Variants in LOX observed in about 807,000 individuals in gnomAD.
LOX encodes the protein protein-lysine 6-oxidase.
A neutral mutation model predicts 50.5 loss-of-function variants in LOX; 12 were observed. That is an observed-to-expected ratio of 0.24 (90% confidence interval 0.15 to 0.38). The LOEUF is 0.38. LOX is among the 10% of genes least tolerant of loss of function. The probability of loss-of-function intolerance (pLI) is 1.00; values close to 1 mark genes in which losing one functional copy is unlikely to be tolerated. For missense variants in LOX, 504 were observed against 563.8 expected (o/e 0.89, Z 1.07); for synonymous variants, 254 against 230.6 (o/e 1.10, Z -0.92).
chr5:122,077,228 C>T lies in LOX; in HGVS notation c.631+127G>A. The T allele has an allele frequency of 6.7e-7, 1 of 1,502,378 alleles. No individual in the cohort carries two copies. The highest frequency in any genetic ancestry group is 1.3e-5 in the South Asian group (1 of 75,852). 93.1% of individuals were successfully genotyped at this position (1,502,378 alleles called of 1,614,324 possible). A position where few individuals can be genotyped will look rare whatever the true frequency, so the allele number is the denominator to read the frequency against. ...GCACTGGATTCCAGGGCTGCCACTG[C>T]AGGCGCGTGGGGGAGGGATCGGATC... On this transcript the variant is annotated intron_variant, in intron 1 of 6. Coordinates refer to ENST00000231004, the MANE Select transcript of LOX (RefSeq NM_002317.7). This position sits in a 1 kb window ranked among gnomAD's most constrained non-coding sequence, Gnocchi z 4.9.
Position 122,074,049 on chromosome 5 carries a change from G to A in LOX, c.999C>T (p.Gly333=), listed in dbSNP as rs751459592. 1.5e-5 allele frequency: 24 copies of A among 1,614,030 alleles called. No individual in the cohort carries two copies. The highest frequency in any genetic ancestry group is 2.0e-5 in the Non-Finnish European group (24 of 1,179,922). ...CAGTACATGCAAATCGCCTGTGGTA[G>A]CCATAGTCACAGGATGTGTCTTCAA... ...FCLEDTSCDY[G]YHRRFACTAH... The change falls in exon 4 of 7, where the codon GGC becomes GGT. Residue 333 remains glycine, a synonymous_variant. Coordinates refer to ENST00000231004, the MANE Select transcript of LOX (RefSeq NM_002317.7).
At chr5:122,068,463 T>C (rs1385001578) in intron 6 of LOX, among the ~76,000 whole-genome samples, 1 of 152,138 alleles carries the variant, frequency 6.6e-6, no homozygotes, top group African/African-American at 2.4e-5. Flanking sequence ...TCATGAAACT[T>C]CTCATATTGT....
At chr5:122,067,364 C>G (rs17148773) in intron 6 of LOX, among the ~76,000 whole-genome samples, 1 of 151,454 alleles carries the variant, frequency 6.6e-6, no homozygotes, top group African/African-American at 2.4e-5. Flanking sequence ...TCACCTGGTC[C>G]GTACATTTTG....
chr5:122,073,494 A>G (rs1754513770), intron 4 of LOX, among the ~76,000 whole-genome samples: 1 of 152,328 alleles, frequency 6.6e-6, no homozygotes, highest in East Asian at 1.9e-4. Flanking sequence ...CGCAACCACT[A>G]TTCTATTTTC....
At chr5:122,069,618 G>T (rs1388422312) in intron 6 of LOX, among the ~76,000 whole-genome samples, 1 of 152,032 alleles carries the variant, frequency 6.6e-6, no homozygotes, top group Admixed American at 6.6e-5. Flanking sequence ...GACCAGAGGG[G>T]GCTGAACTCT....
In LOX at chr5:122,077,192, A is replaced by G; in HGVS notation, c.631+163T>C. On this transcript the variant is annotated intron_variant, in intron 1 of 6. Coordinates refer to ENST00000231004, the MANE Select transcript of LOX (RefSeq NM_002317.7). This position sits in a 1 kb window ranked among gnomAD's most constrained non-coding sequence, Gnocchi z 4.9. ...GTGAAAAGGAAGCAGGAGGGGCCAG[A>G]CGCGCGGTTTGCACTGGATTCCAGG... 1.4e-6 allele frequency: 2 copies of G among 1,469,188 alleles called. No homozygotes were observed. Among genetic ancestry groups the G allele is most frequent in the Non-Finnish European group, 9.0e-7 (1 of 1,114,888 alleles). The allele number at this position is 1,469,188 out of a possible 1,614,324, so 91.0% of individuals were successfully genotyped here.
intron 3 of LOX, 186 bp downstream of exon 3, chr5:122,075,218 C>T (rs1754581325): frequency 3.9e-6 from 2 of 514,450 alleles, no homozygotes; most frequent in Non-Finnish European, 6.6e-6. Flanking sequence ...TCAGATTTTC[C>T]ATTTCAAAAG....
At chr5:122,072,941 A>G (rs1754492922) in intron 4 of LOX, among the ~76,000 whole-genome samples, 1 of 152,204 alleles carries the variant, frequency 6.6e-6, no homozygotes, top group Admixed American at 6.5e-5. Context: ...GGGAATCTGT[A>G]TATGCACACA....
intron 4 of LOX, among the ~76,000 whole-genome samples, chr5:122,072,174 G>T (rs1754470543): frequency 1.3e-5 from 2 of 152,110 alleles, no homozygotes; most frequent in Admixed American, 1.3e-4. Flanking sequence ...TTTACATAAT[G>T]CTTCAGTGCT....
intron 3 of LOX, among the ~76,000 whole-genome samples, chr5:122,074,671 C>A (rs2152589898): frequency 6.6e-6 from 1 of 152,264 alleles, no homozygotes; most frequent in South Asian, 2.1e-4. Context: ...TTAAATAGTA[C>A]ACACTTTTAT....
chr5:122,066,539 C>A lies in LOX; in HGVS notation c.*204G>T. The A allele has an allele frequency of 4.1e-6, 2 of 492,342 alleles. No homozygotes were observed. The highest frequency in any genetic ancestry group is 5.3e-4 in the Middle Eastern group (1 of 1,892). 30.5% of individuals were successfully genotyped at this position (492,342 alleles called of 1,614,324 possible). On this transcript the variant is annotated 3_prime_UTR_variant, in exon 7 of 7. Coordinates refer to ENST00000231004, the MANE Select transcript of LOX (RefSeq NM_002317.7). ...TTCACAAAGTGATGTAAATAATAAA[C>A]ATTAAAAATTTCCCAAGTAATGATG...
rs763527035 is a variant in LOX at position 122,077,737 on chromosome 5, G to A, written c.249C>T (p.Ser83=). Residue 83 remains serine, a synonymous_variant, in exon 1 of 7, where the codon TCC becomes TCT. Transcript: ENST00000231004. The surrounding 1 kb of genome is among the most constrained non-coding windows in gnomAD (Gnocchi z 4.9). ...GGATCGGAGTGCGGGGCTGCTGGGCGGAGGCGTTGGCTGCACCAGGGACGG... is the reference window on the plus strand; with the variant it reads ...GGATCGGAGTGCGGGGCTGCTGGGCAGAGGCGTTGGCTGCACCAGGGACGG... ...GAAVPGAANA[S]AQQPRTPILL... 73 of 1,571,384 alleles carry A rather than the reference G, an allele frequency of 4.6e-5. No homozygotes were observed. Among genetic ancestry groups the A allele is most frequent in the Non-Finnish European group, 5.4e-5 (63 of 1,163,160 alleles).
rs937505793 is a variant in LOX, at chr5:122,078,249, G to A, written c.-264C>T. ...GAGCGGCGCGGCAGTCCCGGAGAGC[G>A]GGCAGTGTCTGGAGTGAAGGAAGGA... On this transcript the variant is annotated 5_prime_UTR_variant, in exon 1 of 7. Coordinates refer to ENST00000231004, the MANE Select transcript of LOX (RefSeq NM_002317.7). 5.0e-6 allele frequency: 2 copies of A among 400,258 alleles called. No individual in the cohort carries two copies. The highest frequency in any genetic ancestry group is 4.2e-5 in the African/African-American group (2 of 48,076). 24.8% of individuals were successfully genotyped at this position (400,258 alleles called of 1,614,324 possible). A position where few individuals can be genotyped will look rare whatever the true frequency, so the allele number is the denominator to read the frequency against.
At chr5:122,076,821 G>T in intron 2 of LOX, 72 bp downstream of exon 2, 1 of 1,363,438 alleles carries the variant, frequency 7.3e-7, no homozygotes, top group Non-Finnish European at 1.0e-6. Flanking sequence ...AGCAGTAGCA[G>T]TCAGAACCAG....
chr5:122,077,965 C>A lies in LOX; in HGVS notation c.21G>T (p.Val7=). Residue 7 remains valine, a synonymous_variant, in exon 1 of 7, where the codon GTG becomes GTT. Coordinates refer to ENST00000231004, the MANE Select transcript of LOX (RefSeq NM_002317.7). This position sits in a 1 kb window ranked among gnomAD's most constrained non-coding sequence, Gnocchi z 4.9. Reference sequence around the variant, plus strand: ...AGAGCTGCAAAGGCCCGAGCAGGAGCACGGTCCAGGCGAAGCGCATCACTC... The same window carrying A: ...AGAGCTGCAAAGGCCCGAGCAGGAGAACGGTCCAGGCGAAGCGCATCACTC... MRFAWT[V]LLLGPLQLCA... The A allele has an allele frequency of 6.8e-7, 1 of 1,472,670 alleles. No individual in the cohort carries two copies. The allele number at this position is 1,472,670 out of a possible 1,614,324, so 91.2% of individuals were successfully genotyped here.
chr5:122,071,534 G>T (rs1180497941), intron 4 of LOX, among the ~76,000 whole-genome samples: 1 of 152,144 alleles, frequency 6.6e-6, no homozygotes, highest in Non-Finnish European at 1.5e-5. Flanking sequence ...CCTTCTACAG[G>T]CTGGGAGGAG....
In LOX at chr5:122,066,692, A is replaced by G; in HGVS notation, c.*51T>C. On this transcript the variant is annotated 3_prime_UTR_variant, in exon 7 of 7. Coordinates refer to ENST00000231004, the MANE Select transcript of LOX (RefSeq NM_002317.7). ...TACTGAAGTTAGTCTATTTTTTCCC[A>G]CTTCAGAACACCAGGCACTGATTTA... 3 of 1,517,316 alleles carry G rather than the reference A, an allele frequency of 2.0e-6. No homozygotes were observed. The highest frequency in any genetic ancestry group is 2.7e-6 in the Non-Finnish European group (3 of 1,099,086). The allele number at this position is 1,517,316 out of a possible 1,614,324, so 94.0% of individuals were successfully genotyped here.
At chr5:122,070,996 C>T (rs1378683095) in intron 4 of LOX, among the ~76,000 whole-genome samples, 2 of 152,126 alleles carry the variant, frequency 1.3e-5, no homozygotes, top group Admixed American at 6.5e-5. Flanking sequence ...CCTTCTTGTG[C>T]TTTGAACGTC....
intron 4 of LOX, chr5:122,070,805 A>C (rs1754428496): frequency 2.8e-6 from 1 of 359,986 alleles, no homozygotes; most frequent in Admixed American, 4.3e-5. Flanking sequence ...GTAGTAGTAC[A>C]CCTCACTTCT....
Sources: allele counts gnomAD v4.1 joint callset (sites outside exome capture counted in the v4.1 genomes callset), GRCh38; gene constraint gnomAD v4.1.1; non-coding constraint Gnocchi (gnomAD v3.1); transcripts MANE v1.5; gene names NCBI Gene and HGNC (gene_info 2026-07-23, HGNC 2026-07-21).